Variants in RPTOR observed in about 807,000 individuals in gnomAD.
The protein encoded by RPTOR is regulatory associated protein of MTOR complex 1.
RPTOR carries 21 observed loss-of-function variants against 169.9 expected under a neutral mutation model. The observed-to-expected ratio is 0.12, with a 90% CI of 0.09 to 0.18. The LOEUF is 0.18. RPTOR is among the 10% of genes least tolerant of loss of function. The pLI, the probability that RPTOR is intolerant of heterozygous loss-of-function variation, is 1.00. For missense variants in RPTOR, 1,133 were observed against 1,855.9 expected (o/e 0.61, Z 7.16); for synonymous variants, 732 against 753.2 (o/e 0.97, Z 0.46).
At chr17:80,755,262 G>A (rs2066668897) in intron 6 of RPTOR, among the ~76,000 whole-genome samples, 1 of 152,146 alleles carries the variant, frequency 6.6e-6, no homozygotes, top group Non-Finnish European at 1.5e-5. Context: ...TTCCATTCAG[G>A]GAGAGACCTC....
chr17:80,619,229 GT>G (rs1185912059), intron 1 of RPTOR, among the ~76,000 whole-genome samples: 13 of 152,116 alleles, frequency 8.5e-5, no homozygotes, highest in Non-Finnish European at 7.4e-5. Context: ...AGTTGTTGAT[GT>G]TGGGAGGATA....
Position 80,957,820 on chromosome 17 carries a change from TGAGGCCTGGC to T in RPTOR, c.3477+91_3477+100del. The T allele has an allele frequency of 2.4e-6, 3 of 1,225,622 alleles. 1 individual carries two copies. In the Admixed American group the frequency reaches 5.3e-5, roughly 22 times the overall value. 75.9% of individuals were successfully genotyped at this position (1,225,622 alleles called of 1,614,324 possible). A position where few individuals can be genotyped will look rare whatever the true frequency, so the allele number is the denominator to read the frequency against. On this transcript the variant is annotated intron_variant, in intron 29 of 33. Transcript: ENST00000306801. The surrounding 1 kb of genome is among the most constrained non-coding windows in gnomAD (Gnocchi z 4.6). ...TCACAGAACCCAGCAAAGTGTGCGGTGAGGCCTGGCCATCCCAGGGGTGGAGTCAGGGCCT... is the reference window on the plus strand; with the variant it reads ...TCACAGAACCCAGCAAAGTGTGCGGTCATCCCAGGGGTGGAGTCAGGGCCT...
intron 13 of RPTOR, among the ~76,000 whole-genome samples, chr17:80,877,073 T>C (rs2068128678): frequency 6.8e-6 from 1 of 146,570 alleles, no homozygotes; most frequent in Non-Finnish European, 1.5e-5. Flanking sequence ...CTGCTGGGTC[T>C]TCCCACTGAG....
chr17:80,938,495 T>C (rs1480226017), intron 24 of RPTOR, among the ~76,000 whole-genome samples: 1 of 152,240 alleles, frequency 6.6e-6, no homozygotes, highest in Non-Finnish European at 1.5e-5. Flanking sequence ...TACTGTTCTA[T>C]GTTATTTACC....
chr17:80,765,028 G>T (rs1185567779), intron 6 of RPTOR, among the ~76,000 whole-genome samples: 1 of 152,102 alleles, frequency 6.6e-6, no homozygotes, highest in Non-Finnish European at 1.5e-5. Flanking sequence ...AGAAAACAAA[G>T]ATTAAAAAAA....
At chr17:80,847,969 G>T (rs2067750999) in intron 11 of RPTOR, among the ~76,000 whole-genome samples, 1 of 152,270 alleles carries the variant, frequency 6.6e-6, no homozygotes, top group African/African-American at 2.4e-5. Context: ...TTCAGTCTGT[G>T]CTGCAGCAGT....
intron 3 of RPTOR, among the ~76,000 whole-genome samples, chr17:80,668,046 C>T (rs2143671679): frequency 6.6e-6 from 1 of 152,264 alleles, no homozygotes; most frequent in East Asian, 1.9e-4. Context: ...ACAGAGGAAA[C>T]GTCTGGTTTC....
At chr17:80,759,285 C>T (rs1472717962) in intron 6 of RPTOR, among the ~76,000 whole-genome samples, 1 of 152,164 alleles carries the variant, frequency 6.6e-6, no homozygotes, top group East Asian at 1.9e-4. Context: ...AGGGAATGTG[C>T]TTTCTCTCTA....
chr17:80,564,790 CTTTG>C (rs1337631880), intron 1 of RPTOR, among the ~76,000 whole-genome samples: 1 of 151,990 alleles, frequency 6.6e-6, no homozygotes, highest in East Asian at 1.9e-4. Flanking sequence ...TTGTTCCCTT[CTTTG>C]TGTTTGCATG....
At chr17:80,895,751 C>G (rs1426490579) in intron 20 of RPTOR, among the ~76,000 whole-genome samples, 3 of 152,252 alleles carry the variant, frequency 2.0e-5, no homozygotes, top group Non-Finnish European at 4.4e-5. Flanking sequence ...TCTCGCCACT[C>G]TCTACCACGC....
chr17:80,788,045 C>A (rs2067011567), intron 6 of RPTOR, among the ~76,000 whole-genome samples: 1 of 152,232 alleles, frequency 6.6e-6, no homozygotes, highest in South Asian at 2.1e-4. Context: ...AAAGTGTCTT[C>A]CTCATGAGTC....
rs565627344 is a variant in RPTOR, at chr17:80,959,141, C to G, written c.3478-937C>G. Among the ~76,000 whole-genome samples, 1 of 152,388 alleles carries G rather than the reference C, an allele frequency of 6.6e-6. No homozygotes were observed. Among genetic ancestry groups the G allele is most frequent in the South Asian group, 2.1e-4 (1 of 4,832 alleles). ...AGCAGCCCGAGAACCTGGCCCAGGC[C>G]TTCCCGTGTGGGCAGCCTCCCCTCT... On this transcript the variant is annotated intron_variant, in intron 29 of 33. Transcript: ENST00000306801. The surrounding 1 kb of genome is among the most constrained non-coding windows in gnomAD (Gnocchi z 6.7).
intron 20 of RPTOR, among the ~76,000 whole-genome samples, chr17:80,900,459 G>C (rs1055761320): frequency 8.1e-4 from 124 of 152,302 alleles, no homozygotes; most frequent in African/African-American, 2.8e-3. Flanking sequence ...TGGGATTACA[G>C]GCGCATGCCA....
intron 23 of RPTOR, chr17:80,924,126 GCTGCAT>G (rs1410621348): frequency 5.6e-6 from 1 of 178,476 alleles, no homozygotes; most frequent in African/African-American, 2.4e-5. Context: ...ATCCAAGTAC[GCTGCAT>G]AAATAGGTAC....
At chr17:80,736,283 G>A (rs2066432824) in intron 5 of RPTOR, among the ~76,000 whole-genome samples, 1 of 152,148 alleles carries the variant, frequency 6.6e-6, no homozygotes, top group Non-Finnish European at 1.5e-5. Flanking sequence ...TCGTGTTTGT[G>A]TGGTGTCTCT....
intron 6 of RPTOR, chr17:80,773,700 C>A: frequency 1.3e-6 from 1 of 777,358 alleles, no homozygotes; most frequent in Non-Finnish European, 1.6e-6. Context: ...GATTTGCTTC[C>A]TCTGGCACCA....
At chr17:80,634,245 A>G (rs536318309) in intron 2 of RPTOR, among the ~76,000 whole-genome samples, 6,144 of 104,938 alleles carry the variant, frequency 0.059, 816 homozygotes, top group African/African-American at 0.23. Flanking sequence ...GTGTGCGTGC[A>G]TACTGTATGC....
At chr17:80,802,379 G>T (rs2067169696) in intron 7 of RPTOR, 1 of 152,290 alleles carries the variant, frequency 6.6e-6, no homozygotes, top group African/African-American at 2.4e-5. Flanking sequence ...GGATCATGAG[G>T]TCAAGAGATC....
chr17:80,579,476 G>A (rs1203656831), intron 1 of RPTOR, among the ~76,000 whole-genome samples: 1 of 152,204 alleles, frequency 6.6e-6, no homozygotes, highest in African/African-American at 2.4e-5. Flanking sequence ...ATAGGCGTGA[G>A]CCACCATGCC....
Sources: allele counts gnomAD v4.1 joint callset (sites outside exome capture counted in the v4.1 genomes callset), GRCh38; gene constraint gnomAD v4.1.1; non-coding constraint Gnocchi (gnomAD v3.1); transcripts MANE v1.5; gene names NCBI Gene and HGNC (gene_info 2026-07-23, HGNC 2026-07-21).